RIPOR3: variants seen among roughly 807,000 people sequenced by gnomAD.
The protein encoded by RIPOR3 is RIPOR family member 3.
RIPOR3 carries 95 observed loss-of-function variants against 114.3 expected under a neutral mutation model. The observed-to-expected ratio is 0.83, with a 90% CI of 0.70 to 0.99. RIPOR3 has a LOEUF of 0.99. Among genes scored for constraint, RIPOR3 ranks in the 50% least tolerant of loss-of-function variants. The probability of loss-of-function intolerance (pLI) is 0.00; values close to 1 mark genes in which losing one functional copy is unlikely to be tolerated. For synonymous variants in RIPOR3, 575 were observed against 543.8 expected (o/e 1.06, Z -0.80); for missense variants, 1,252 against 1,266.9 (o/e 0.99, Z 0.18).
intron 1 of RIPOR3, among the ~76,000 whole-genome samples, chr20:50,639,105 C>T (rs181563487): frequency 8.6e-4 from 130 of 151,972 alleles, no homozygotes; most frequent in African/African-American, 2.8e-3. Flanking sequence ...AGCCAGGTGT[C>T]GTGGTGCATG....
chr20:50,594,859 A>G (rs1305987192), intron 16 of RIPOR3, 145 bp from the exon 17 acceptor site: 7 of 902,128 alleles, frequency 7.8e-6, no homozygotes, highest in Non-Finnish European at 1.1e-5. Flanking sequence ...CTGCATTCCC[A>G]TGTGACACGT....
intron 11 of RIPOR3, among the ~76,000 whole-genome samples, chr20:50,606,462 C>T (rs62202770): frequency 0.38 from 58,492 of 152,092 alleles, 13,640 homozygotes; most frequent in East Asian, 0.61. Flanking sequence ...TCAAAGGCAA[C>T]GCTCCCTACA....
At chr20:50,599,903 C>CTT (rs10639593) in intron 13 of RIPOR3, among the ~76,000 whole-genome samples, 206 of 151,568 alleles carry the variant, frequency 1.4e-3, no homozygotes, top group African/African-American at 4.8e-3. Context: ...CACACACACA[C>CTT]TTTTTTTTCT....
At chr20:50,611,696 C>T (rs983623740) in intron 4 of RIPOR3, among the ~76,000 whole-genome samples, 1 of 152,192 alleles carries the variant, frequency 6.6e-6, no homozygotes, top group South Asian at 2.1e-4. Flanking sequence ...CTATCCATTC[C>T]AGGGGCCAGG....
At chr20:50,589,830 G>C in intron 19 of RIPOR3, 61 bp from the exon 20 acceptor site, 5 of 1,501,378 alleles carry the variant, frequency 3.3e-6, no homozygotes, top group Non-Finnish European at 4.6e-6. Flanking sequence ...CATGGTTCCG[G>C]GTCCATCAGC....
At chr20:50,593,437 T>C (rs986857854) in intron 17 of RIPOR3, among the ~76,000 whole-genome samples, 1 of 152,042 alleles carries the variant, frequency 6.6e-6, no homozygotes, top group African/African-American at 2.4e-5. Flanking sequence ...CTGGGTGTGG[T>C]GGTGCCTGCC....
chr20:50,626,652 C>T (rs1224116040), intron 2 of RIPOR3, among the ~76,000 whole-genome samples: 1 of 152,246 alleles, frequency 6.6e-6, no homozygotes, highest in Non-Finnish European at 1.5e-5. Context: ...AGGAGGAGAG[C>T]TGCAGGCAGG....
In RIPOR3 at chr20:50,691,419, A is replaced by G; in HGVS notation, c.-291T>C. 1 of 266,334 alleles carries G rather than the reference A, an allele frequency of 3.8e-6. No individual in the cohort carries two copies. Among genetic ancestry groups the G allele is most frequent in the Non-Finnish European group, 7.5e-6 (1 of 133,414 alleles). The allele number at this position is 266,334 out of a possible 1,614,324, so 16.5% of individuals were successfully genotyped here. On this transcript the variant is annotated 5_prime_UTR_variant, in exon 1 of 22. Coordinates refer to ENST00000327979, the MANE Select transcript of RIPOR3 (RefSeq NM_001290268.2). ...TCTTATCTGGCCTGTGTCAGGGTGC[A>G]GGCGGCCATGGAGCTGGGGTTCCAG...
At chr20:50,678,896 GA>G (rs2086762235) in intron 1 of RIPOR3, among the ~76,000 whole-genome samples, 1 of 151,368 alleles carries the variant, frequency 6.6e-6, no homozygotes, top group Non-Finnish European at 1.5e-5. Context: ...TTGAGTTCAG[GA>G]GTTCAAGACC....
In RIPOR3 at chr20:50,636,699, G is replaced by C. The variant is rs969872998; in HGVS notation, c.4-5843C>G. 2.4e-5 allele frequency: 24 copies of C among 985,428 alleles called. No homozygotes were observed. The African/African-American group carries it at 3.8e-4, about 16-fold the overall frequency. 61.0% of individuals were successfully genotyped at this position (985,428 alleles called of 1,614,324 possible). Reference sequence around the variant, plus strand: ...TGGTGTGTGCAGGGAGAGGAAGCCAGATGCTCCCAGACACTGGGGACTGTC... The same window carrying C: ...TGGTGTGTGCAGGGAGAGGAAGCCACATGCTCCCAGACACTGGGGACTGTC... On this transcript the variant is annotated intron_variant, in intron 1 of 21. Transcript: ENST00000327979.
intron 4 of RIPOR3, among the ~76,000 whole-genome samples, chr20:50,615,108 A>AGTGTGTGTGT (rs56136460): frequency 0.14 from 19,586 of 138,234 alleles, 1,654 homozygotes; most frequent in East Asian, 0.21. Flanking sequence ...GCTATTTGTG[A>AGTGTGTGTGT]GTGTGTGTGT....
At chr20:50,616,978 T>C (rs973469344) in intron 3 of RIPOR3, among the ~76,000 whole-genome samples, 1 of 152,092 alleles carries the variant, frequency 6.6e-6, no homozygotes. Context: ...CCATCTCTCC[T>C]AAAAATACAA....
rs773355508 is a variant in RIPOR3, at chr20:50,589,690, A to T, written c.2657T>A (p.Leu886His). Residue 886 changes from leucine (L) to histidine (H), a missense_variant, in exon 20 of 22, where the codon CTC becomes CAC. Coordinates refer to ENST00000327979, the MANE Select transcript of RIPOR3 (RefSeq NM_001290268.2). Reference sequence around the variant, plus strand: ...ATGGGGAAACGTCAGGCTCACCTTGAGGTGTTTGAGCGCTAGGCATGCGGC... The same window carrying T: ...ATGGGGAAACGTCAGGCTCACCTTGTGGTGTTTGAGCGCTAGGCATGCGGC... ...QQAACLALKH[L>H]KGIESIDQTA... The T allele has an allele frequency of 6.2e-7, 1 of 1,613,586 alleles. No individual in the cohort carries two copies. The highest frequency in any genetic ancestry group is 1.7e-5 in the Admixed American group (1 of 59,974).
At position 50,616,946 on chromosome 20, in the gene RIPOR3, T is replaced by G. The variant is rs755230074; in HGVS notation, c.270-866A>C. On this transcript the variant is annotated intron_variant, in intron 3 of 21. Coordinates refer to ENST00000327979, the MANE Select transcript of RIPOR3 (RefSeq NM_001290268.2). ...TCACAAGGTCAGGTAATCGAGACCA[T>G]CCTGGCTAACACAGTGAAACCCCAT... 2.6e-5 allele frequency among the ~76,000 whole-genome samples: 4 copies of G among 152,208 alleles called. No individual in the cohort carries two copies. The East Asian group carries it at 7.8e-4, about 30-fold the overall frequency.
intron 3 of RIPOR3, among the ~76,000 whole-genome samples, chr20:50,617,980 T>C (rs992008482): frequency 1.4e-4 from 21 of 152,042 alleles, no homozygotes; most frequent in African/African-American, 5.1e-4. Context: ...ATAAGAGATG[T>C]AGGGGCTGGG....
At chr20:50,638,780 C>A (rs1277045062) in intron 1 of RIPOR3, among the ~76,000 whole-genome samples, 1 of 152,108 alleles carries the variant, frequency 6.6e-6, no homozygotes, top group East Asian at 1.9e-4. Flanking sequence ...CTCAAACGTG[C>A]CTCACCCTGG....
At chr20:50,624,151 AATGTT>A (rs1360960425) in intron 2 of RIPOR3, among the ~76,000 whole-genome samples, 6 of 152,130 alleles carry the variant, frequency 3.9e-5, no homozygotes, top group Non-Finnish European at 8.8e-5. Context: ...GTATATATTT[AATGTT>A]AAGTGATGCT....
intron 2 of RIPOR3, among the ~76,000 whole-genome samples, chr20:50,623,282 A>T (rs1303907909): frequency 6.6e-6 from 1 of 151,802 alleles, no homozygotes; most frequent in African/African-American, 2.4e-5. Flanking sequence ...AAAAAAAAGA[A>T]AAAAAAGAAA....
chr20:50,606,588 C>T (rs1286000203), intron 11 of RIPOR3, among the ~76,000 whole-genome samples: 1 of 152,176 alleles, frequency 6.6e-6, no homozygotes, highest in Non-Finnish European at 1.5e-5. Context: ...CAGCCTCTAA[C>T]CACAGACCAA....
Sources: gnomAD v4.1 joint callset for allele counts (sites outside exome capture counted in the v4.1 genomes callset) on GRCh38, gnomAD v4.1.1 for gene constraint, MANE v1.5 for transcripts, NCBI Gene and HGNC (gene_info 2026-07-23, HGNC 2026-07-21) for gene names.